The following GLRA2 variants were observed in gnomAD, a reference collection of about 807,000 sequenced individuals.
GLRA2 encodes glycine receptor alpha 2, also known as glycine receptor subunit alpha-2.
In GLRA2, 11 loss-of-function variants were observed where a neutral mutation model predicts 31.6. The ratio of observed to expected loss-of-function variants is 0.35; its 90% CI spans 0.22 to 0.58. The LOEUF (loss-of-function observed/expected upper bound fraction) is 0.58. GLRA2 is among the 20% of genes least tolerant of loss of function. The pLI is 0.84. For synonymous variants in GLRA2, 132 were observed against 134.0 expected, an observed-to-expected ratio of 0.99 and a Z score of 0.10; for missense variants, 212 against 351.8, an observed-to-expected ratio of 0.60 and a Z score of 3.18.
chrX:14,489,892 T>C, the GLRA2 span, among the ~76,000 whole-genome samples: 1 of 111,767 alleles, frequency 8.9e-6, no homozygotes, highest in East Asian at 2.8e-4. Context: ...ATTGCTTATC[T>C]AAAGTGATTA....
At chrX:14,593,578 TGTC>T (rs1308806946) in intron 4 of GLRA2, among the ~76,000 whole-genome samples, 2 of 112,514 alleles carry the variant, frequency 1.8e-5, no homozygotes, top group Non-Finnish European at 3.8e-5. Flanking sequence ...GTGGGACAAA[TGTC>T]AGTTCTGAGG....
chrX:14,456,771 A>G, the GLRA2 span, among the ~76,000 whole-genome samples: 10 of 112,373 alleles, frequency 8.9e-5, no homozygotes, highest in African/African-American at 3.2e-4. Context: ...TTGGGCACGT[A>G]GATTAATTCT....
At chrX:14,565,579 TATATA>T (rs1451622477) in intron 2 of GLRA2, among the ~76,000 whole-genome samples, 3 of 111,513 alleles carry the variant, frequency 2.7e-5, no homozygotes, top group East Asian at 2.8e-4. Context: ...ATTTTATCAA[TATATA>T]ATATAATTGT....
chrX:14,464,494 T>C, the GLRA2 span, among the ~76,000 whole-genome samples: 1 of 112,272 alleles, frequency 8.9e-6, no homozygotes, highest in Non-Finnish European at 1.9e-5. Flanking sequence ...TGGCTGTAGA[T>C]AGATGGATGA....
rs1601693326 is a variant in GLRA2 at position 14,542,682 on chromosome X, G to C, written c.202+10310G>C. 2.7e-5 allele frequency among the ~76,000 whole-genome samples: 3 copies of C among 110,571 alleles called. No homozygotes were observed. In the Middle Eastern group the frequency reaches 0.014, roughly 527 times the overall value. On this transcript the variant is annotated intron_variant, in intron 2 of 8. Coordinates refer to ENST00000218075, the MANE Select transcript of GLRA2 (RefSeq NM_002063.4). ...AACATAGTTTATTCTTTAAGTGTAG[G>C]GGTGCATGATTTACCCCTTGCCTAG...
chrX:14,585,612 T>C (rs1478347793), intron 4 of GLRA2, among the ~76,000 whole-genome samples: 1 of 111,497 alleles, frequency 9.0e-6, no homozygotes, highest in Admixed American at 9.6e-5. Flanking sequence ...GACGTTCCAT[T>C]AGAAAGTAAT....
intron 7 of GLRA2, among the ~76,000 whole-genome samples, chrX:14,616,818 G>A (rs1419677825): frequency 8.9e-6 from 1 of 111,945 alleles, no homozygotes; most frequent in Admixed American, 9.5e-5. Context: ...TGAAGTTCTT[G>A]GATAAAGATT....
At chrX:14,531,111 A>C (rs757962686) in intron 1 of GLRA2, 86 of 917,415 alleles carry the variant, frequency 9.4e-5, no homozygotes, top group Middle Eastern at 3.1e-4. Flanking sequence ...CATCATCATC[A>C]TCCTCACCAC....
intron 6 of GLRA2, among the ~76,000 whole-genome samples, chrX:14,607,620 C>T (rs1254425532): frequency 2.7e-5 from 3 of 111,470 alleles, no homozygotes; most frequent in African/African-American, 6.5e-5. Context: ...TTCTGGCATC[C>T]GCTCTTGCCA....
chrX:14,597,145 C>T (rs887846666), intron 4 of GLRA2, among the ~76,000 whole-genome samples: 10 of 111,675 alleles, frequency 9.0e-5, no homozygotes, highest in Non-Finnish European at 1.1e-4. Flanking sequence ...ACTAGAATGT[C>T]ACATGGTTCA....
intron 8 of GLRA2, among the ~76,000 whole-genome samples, chrX:14,705,381 T>C (rs1362569129): frequency 5.4e-5 from 6 of 111,086 alleles, no homozygotes; most frequent in Non-Finnish European, 1.1e-4. Flanking sequence ...CAACTTGGGG[T>C]TGGGGACTGT....
At chrX:14,467,546 G>A in the GLRA2 span, among the ~76,000 whole-genome samples, 3 of 112,248 alleles carry the variant, frequency 2.7e-5, no homozygotes, top group African/African-American at 6.5e-5. Context: ...AATATGTGAA[G>A]GTCTGGATTT....
chrX:14,609,901 C>A (rs921081120), intron 7 of GLRA2, among the ~76,000 whole-genome samples: 4 of 111,056 alleles, frequency 3.6e-5, no homozygotes, highest in African/African-American at 9.8e-5. Flanking sequence ...GTTTATAGCA[C>A]CTCAAATAAT....
At chrX:14,681,401 C>T (rs1372534260) in intron 7 of GLRA2, among the ~76,000 whole-genome samples, 1 of 110,900 alleles carries the variant, frequency 9.0e-6, no homozygotes, top group Non-Finnish European at 1.9e-5. Flanking sequence ...TTCATTCAAC[C>T]ATCAGTCCAT....
At chrX:14,528,526 G>C (rs1002424709), upstream of GLRA2, among the ~76,000 whole-genome samples, 11 of 111,519 alleles carry the variant, frequency 9.9e-5, no homozygotes, top group African/African-American at 3.6e-4. Flanking sequence ...CTAATTATCC[G>C]CATTGGACTA....
At chrX:14,650,344 G>C (rs183286746) in intron 7 of GLRA2, among the ~76,000 whole-genome samples, 1 of 109,588 alleles carries the variant, frequency 9.1e-6, no homozygotes, top group Non-Finnish European at 1.9e-5. Context: ...TTTCTTCATG[G>C]TGTGCAAATT....
the GLRA2 span, among the ~76,000 whole-genome samples, chrX:14,483,422 A>T: frequency 8.9e-6 from 1 of 112,360 alleles, no homozygotes; most frequent in Non-Finnish European, 1.9e-5. Flanking sequence ...AAATGGATAT[A>T]AAAACAATAT....
intron 7 of GLRA2, among the ~76,000 whole-genome samples, chrX:14,685,212 G>C (rs2091262190): frequency 9.0e-6 from 1 of 111,432 alleles, no homozygotes; most frequent in Non-Finnish European, 1.9e-5. Flanking sequence ...GCTGGATTCG[G>C]TTTGCCAGTA....
the GLRA2 span, among the ~76,000 whole-genome samples, chrX:14,477,832 C>T: frequency 6.3e-5 from 7 of 110,729 alleles, no homozygotes; most frequent in African/African-American, 2.3e-4. Flanking sequence ...CACTCCCACC[C>T]CAATAGTAAG....
Sources: gnomAD v4.1 joint callset for allele counts (sites outside exome capture counted in the v4.1 genomes callset) on GRCh38, gnomAD v4.1.1 for gene constraint, MANE v1.5 for transcripts, NCBI Gene and HGNC (gene_info 2026-07-23, HGNC 2026-07-21) for gene names.